MYO5A: variants seen among roughly 807,000 people sequenced by gnomAD.
MYO5A encodes unconventional myosin-Va.
In MYO5A, 98 loss-of-function variants were observed where a neutral mutation model predicts 249.7. The ratio of observed to expected loss-of-function variants is 0.39; its 90% confidence interval spans 0.33 to 0.46. The LOEUF (loss-of-function observed/expected upper bound fraction) is 0.46, where lower values mean the gene tolerates loss of function less well. Among genes scored for constraint, MYO5A ranks in the 20% least tolerant of loss-of-function variants. The pLI, the probability that MYO5A is intolerant of heterozygous loss-of-function variation, is 0.98. For missense variants in MYO5A, 1,696 were observed against 2,308.8 expected (o/e 0.73, Z 5.44); for synonymous variants, 778 against 810.6 (o/e 0.96, Z 0.68).
intron 23 of MYO5A, 55 bp from the exon 24 acceptor site, chr15:52,364,757 G>A (rs1018773454): frequency 1.4e-5 from 22 of 1,585,790 alleles, no homozygotes; most frequent in Admixed American, 1.7e-5. Context: ...GAATGCAATT[G>A]TGTAAACATG....
chr15:52,455,559 A>G (rs958076502), intron 1 of MYO5A, among the ~76,000 whole-genome samples: 1 of 151,814 alleles, frequency 6.6e-6, no homozygotes, highest in Non-Finnish European at 1.5e-5. Context: ...AAAAATTCTC[A>G]AAAAAAATAC....
intron 1 of MYO5A, among the ~76,000 whole-genome samples, chr15:52,465,164 G>C (rs1413991506): frequency 2.0e-5 from 3 of 152,172 alleles, no homozygotes; most frequent in Non-Finnish European, 4.4e-5. Context: ...GGCTTTGAGA[G>C]GGCAAATGAG....
chr15:52,372,338 A>T lies in MYO5A; in HGVS notation c.2603T>A (p.Ile868Asn). ...CCAGCCCCGGACTCGCTTCTGAATG[A>T]TGACTGCTTTGTGCTCACGGAGTAT... The part of the protein sequence containing the change: ...RKILREHKAV[I>N]IQKRVRGWLA... The change falls in exon 21 of 42, where the codon ATC becomes AAC. Residue 868 changes from isoleucine (I) to asparagine (N), a missense_variant. By Grantham distance (149) the Ile-to-Asn change is moderately radical. Around this residue, in one of 5 missense-constraint regions of MYO5A, gnomAD observed 412 missense variants for 453.3 expected, o/e 0.91. Coordinates refer to ENST00000399233, the MANE Select transcript of MYO5A (RefSeq NM_001382347.1). 1 of 1,604,156 alleles carries T rather than the reference A, an allele frequency of 6.2e-7. No individual in the cohort carries two copies. The highest frequency in any genetic ancestry group is 8.5e-7 in the Non-Finnish European group (1 of 1,179,946).
chr15:52,461,020 T>C (rs536503614), intron 1 of MYO5A, among the ~76,000 whole-genome samples: 22 of 152,248 alleles, frequency 1.4e-4, no homozygotes, highest in African/African-American at 4.6e-4. Flanking sequence ...GGCACAATCA[T>C]GGCTCACTGC....
intron 30 of MYO5A, among the ~76,000 whole-genome samples, chr15:52,345,462 A>G (rs1198685290): frequency 6.6e-6 from 1 of 151,874 alleles, no homozygotes; most frequent in African/African-American, 2.4e-5. Context: ...GTGGGCACCT[A>G]TAATCCCAGC....
chr15:52,494,816 G>A (rs1228506488), intron 1 of MYO5A, among the ~76,000 whole-genome samples: 3 of 152,050 alleles, frequency 2.0e-5, no homozygotes, highest in African/African-American at 7.2e-5. Flanking sequence ...ATTATCCTAG[G>A]TGCTAGGTGC....
chr15:52,481,330 A>G (rs1037769600), intron 1 of MYO5A, among the ~76,000 whole-genome samples: 1 of 152,208 alleles, frequency 6.6e-6, no homozygotes, highest in Admixed American at 6.5e-5. Context: ...AAGATTTTCT[A>G]TTTTACTTTA....
rs1330523321 is a variant in MYO5A, at chr15:52,398,005, T to C, written c.1054-539A>G. On this transcript the variant is annotated intron_variant, in intron 9 of 41. Transcript: ENST00000399233. The stretch of plus-strand genomic sequence containing the variant: ...TGAGAAAAGGAAGGTGCTAACTGGG[T>C]GAAAGGAGGAGAAAAGGATTTTCCA... 2.0e-5 allele frequency among the ~76,000 whole-genome samples: 3 copies of C among 151,798 alleles called. 1 individual carries two copies. The East Asian group carries it at 5.8e-4, about 29-fold the overall frequency.
chr15:52,434,364 C>T (rs2075615477), intron 1 of MYO5A, among the ~76,000 whole-genome samples: 2 of 152,224 alleles, frequency 1.3e-5, no homozygotes, highest in African/African-American at 4.8e-5. Flanking sequence ...ATTTCTCAGA[C>T]ATCCTTCAGG....
At chr15:52,337,724 G>T in intron 33 of MYO5A, 86 bp downstream of exon 33, 2 of 970,056 alleles carry the variant, frequency 2.1e-6, no homozygotes, top group Non-Finnish European at 3.0e-6. Flanking sequence ...CTTCCTGGGA[G>T]GGGGCAGGCA....
At position 52,398,092 on chromosome 15, in the gene MYO5A, T is replaced by A. The variant is rs1029344198; in HGVS notation, c.1054-626A>T. 2.7e-5 allele frequency among the ~76,000 whole-genome samples: 4 copies of A among 146,808 alleles called. No individual in the cohort carries two copies. In the East Asian group the frequency reaches 8.2e-4, roughly 30 times the overall value. ...GGAAGGAAATCATCAATAGGAAGGA[T>A]TGAAGCTGAATGAGGGAGAAAATGT... On this transcript the variant is annotated intron_variant, in intron 9 of 41. Coordinates refer to ENST00000399233, the MANE Select transcript of MYO5A (RefSeq NM_001382347.1).
intron 1 of MYO5A, among the ~76,000 whole-genome samples, chr15:52,502,614 T>A (rs2257152): frequency 0.78 from 119,166 of 152,148 alleles, 47,181 homozygotes; most frequent in South Asian, 0.84. Flanking sequence ...TCCAAAACTT[T>A]TAGTAAGAGA....
At chr15:52,426,016 G>C in intron 3 of MYO5A, 42 bp from the exon 4 acceptor site, 1 of 1,570,062 alleles carries the variant, frequency 6.4e-7, no homozygotes, top group Non-Finnish European at 8.8e-7. Flanking sequence ...AGAAGTCAAT[G>C]ATACCCTAAT....
At chr15:52,364,019 A>C (rs1180794200) in intron 24 of MYO5A, among the ~76,000 whole-genome samples, 2 of 152,172 alleles carry the variant, frequency 1.3e-5, no homozygotes, top group East Asian at 3.9e-4. Context: ...TGGGTAGATC[A>C]TGAGGTCAAG....
At chr15:52,452,773 G>A (rs145798477) in intron 1 of MYO5A, among the ~76,000 whole-genome samples, 6 of 151,592 alleles carry the variant, frequency 4.0e-5, no homozygotes, top group East Asian at 1.9e-4. Context: ...ACTTGTACCC[G>A]GGAGGCATAA....
rs1475558534 is a variant in MYO5A, at chr15:52,314,352, G to A, written c.5410-149C>T. 1.5e-5 allele frequency: 10 copies of A among 655,436 alleles called. No homozygotes were observed. The Middle Eastern group carries it at 8.8e-4, about 58-fold the overall frequency. 40.6% of individuals were successfully genotyped at this position (655,436 alleles called of 1,614,324 possible). A position where few individuals can be genotyped will look rare whatever the true frequency, so the allele number is the denominator to read the frequency against. On this transcript the variant is annotated intron_variant, in intron 40 of 41. Transcript: ENST00000399233. Reference sequence around the variant, plus strand: ...ACCAGAAGGAAGGAGGAGCTGGTCTGCACATTTACCTTTATCTGAATTTTT... The same window carrying A: ...ACCAGAAGGAAGGAGGAGCTGGTCTACACATTTACCTTTATCTGAATTTTT...
intron 1 of MYO5A, among the ~76,000 whole-genome samples, chr15:52,470,626 G>A (rs1325338802): frequency 6.6e-6 from 1 of 151,906 alleles, no homozygotes; most frequent in Non-Finnish European, 1.5e-5. Context: ...CTCCAGCCTG[G>A]GCAATAAGAG....
chr15:52,431,812 T>A (rs1358828398), intron 2 of MYO5A, among the ~76,000 whole-genome samples: 1 of 151,446 alleles, frequency 6.6e-6, no homozygotes, highest in Non-Finnish European at 1.5e-5. Flanking sequence ...ATATTGAGAC[T>A]CCATCTCTAC....
In MYO5A at chr15:52,309,490, TA is replaced by T. The variant is rs1555423508; in HGVS notation, c.*4205del. 1.3e-5 allele frequency: 2 copies of T among 152,164 alleles called. No homozygotes were observed. The highest frequency in any genetic ancestry group is 2.9e-5 in the Non-Finnish European group (2 of 68,052). The allele number at this position is 152,164 out of a possible 1,614,324, so 9.4% of individuals were successfully genotyped here. A position where few individuals can be genotyped will look rare whatever the true frequency, so the allele number is the denominator to read the frequency against. On this transcript the variant is annotated 3_prime_UTR_variant, in exon 42 of 42. Coordinates refer to ENST00000399233, the MANE Select transcript of MYO5A (RefSeq NM_001382347.1). ...GCAGCACGTGACCTCACGACATTTT[TA>T]AAGTCTCCTGCATCACAGGTGCCCA...
Sources: gnomAD v4.1 joint callset for allele counts (sites outside exome capture counted in the v4.1 genomes callset) on GRCh38, gnomAD v4.1.1 for gene constraint, gnomAD v4.1.1 regional missense constraint, MANE v1.5 for transcripts, NCBI Gene and HGNC (gene_info 2026-07-23, HGNC 2026-07-21) for gene names.